PCDH17: variants seen among roughly 807,000 people sequenced by gnomAD.
PCDH17 encodes the protein protocadherin-17.
In PCDH17, 21 loss-of-function variants were observed where a neutral mutation model predicts 67.7. The ratio of observed to expected loss-of-function variants is 0.31; its 90% CI spans 0.22 to 0.45. The LOEUF is 0.45. Among genes scored for constraint, PCDH17 ranks in the 20% least tolerant of loss-of-function variants. The pLI is 1.00. For synonymous variants in PCDH17, 701 were observed against 656.7 expected (o/e 1.07, Z -1.03); for missense variants, 1,471 against 1,564.8 (o/e 0.94, Z 1.01).
intron 3 of PCDH17, among the ~76,000 whole-genome samples, chr13:57,715,839 A>G (rs558024807): frequency 6.6e-6 from 1 of 151,984 alleles, no homozygotes; most frequent in Non-Finnish European, 1.5e-5. Context: ...ATGAAATGTT[A>G]TGTTTGGTTA....
At chr13:57,697,069 G>A (rs1021103843) in intron 3 of PCDH17, among the ~76,000 whole-genome samples, 1 of 151,626 alleles carries the variant, frequency 6.6e-6, no homozygotes, top group African/African-American at 2.4e-5. Context: ...TTAAGGTAGG[G>A]AGTCCATCCT....
intron 3 of PCDH17, among the ~76,000 whole-genome samples, chr13:57,689,282 AG>A (rs1234046488): frequency 7.2e-5 from 11 of 152,032 alleles, no homozygotes. Flanking sequence ...TCCCTGGGGA[AG>A]AATTTTGAGC....
intron 3 of PCDH17, among the ~76,000 whole-genome samples, chr13:57,716,786 A>G (rs1245277834): frequency 6.6e-6 from 1 of 151,924 alleles, no homozygotes; most frequent in Non-Finnish European, 1.5e-5. Flanking sequence ...TTTATTTACC[A>G]CAGACCTGTA....
intron 1 of PCDH17, among the ~76,000 whole-genome samples, chr13:57,645,812 A>T (rs1161196976): frequency 2.0e-5 from 3 of 151,278 alleles, no homozygotes; most frequent in African/African-American, 7.3e-5. Flanking sequence ...TTTATATGGT[A>T]TTAGAGTGAT....
At chr13:57,719,921 T>G (rs1955858972) in intron 3 of PCDH17, among the ~76,000 whole-genome samples, 1 of 152,070 alleles carries the variant, frequency 6.6e-6, no homozygotes, top group African/African-American at 2.4e-5. Flanking sequence ...TAAATGATAA[T>G]TTTGGGCATC....
At chr13:57,631,599 C>T (rs1593883895), upstream of PCDH17, among the ~76,000 whole-genome samples, 1 of 152,198 alleles carries the variant, frequency 6.6e-6, no homozygotes, top group African/African-American at 2.4e-5. Context: ...TATCTCTCTA[C>T]TTCCCCCCTC....
intron 3 of PCDH17, 104 bp downstream of exon 3, chr13:57,666,937 T>C: frequency 1.2e-6 from 1 of 821,834 alleles, no homozygotes; most frequent in South Asian, 3.8e-5. Flanking sequence ...GGACCATTTA[T>C]AATATATCAA....
At position 57,643,934 on chromosome 13, in the gene PCDH17, C is replaced by T. The variant is rs1954934809; in HGVS notation, c.2565+8823C>T. On this transcript the variant is annotated intron_variant, in intron 1 of 3. Coordinates refer to ENST00000377918, the MANE Select transcript of PCDH17 (RefSeq NM_001040429.3). ...TAGATATGCATTGACTGTTATTTGG[C>T]ATGGTATGCATAGAATGCATTTATC... is the stretch of plus-strand genomic sequence containing the variant. Among the ~76,000 whole-genome samples the T allele has an allele frequency of 2.6e-5, 4 of 151,632 alleles. No homozygotes were observed. In the South Asian group the frequency reaches 8.3e-4, roughly 31 times the overall value.
chr13:57,655,875 A>AT (rs1566223500), intron 1 of PCDH17, among the ~76,000 whole-genome samples: 2 of 151,344 alleles, frequency 1.3e-5, no homozygotes, highest in African/African-American at 2.4e-5. Context: ...TTGTAAAAAA[A>AT]TTTTCAAGGA....
chr13:57,720,640 T>C (rs1379447918), intron 3 of PCDH17, among the ~76,000 whole-genome samples: 2 of 152,068 alleles, frequency 1.3e-5, no homozygotes, highest in African/African-American at 2.4e-5. Context: ...GCATAGGTTA[T>C]GAATTTAAGA....
chr13:57,671,984 C>A (rs1040902233), intron 3 of PCDH17, among the ~76,000 whole-genome samples: 4 of 151,924 alleles, frequency 2.6e-5, no homozygotes, highest in Non-Finnish European at 5.9e-5. Context: ...CTTGTAATTT[C>A]TAGTTTTCTA....
chr13:57,632,113 T>G lies in PCDH17; in HGVS notation c.-434T>G. 4.5e-6 allele frequency: 1 copy of G among 219,812 alleles called. No homozygotes were observed. The highest frequency in any genetic ancestry group is 2.4e-5 in the African/African-American group (1 of 42,366). 13.6% of individuals were successfully genotyped at this position (219,812 alleles called of 1,614,324 possible). A position where few individuals can be genotyped will look rare whatever the true frequency, so the allele number is the denominator to read the frequency against. Reference sequence around the variant, plus strand: ...TCCGGAGTCTCCGGGCGGGAGTAGATTTGCAGCACCCTAGCGGGAGCGAGG... The same window carrying G: ...TCCGGAGTCTCCGGGCGGGAGTAGAGTTGCAGCACCCTAGCGGGAGCGAGG... On this transcript the variant is annotated 5_prime_UTR_variant, in exon 1 of 4. Transcript: ENST00000377918.
intron 1 of PCDH17, among the ~76,000 whole-genome samples, chr13:57,656,770 C>A (rs1261982611): frequency 6.6e-6 from 1 of 152,090 alleles, no homozygotes; most frequent in Non-Finnish European, 1.5e-5. Context: ...AAAGGGAAGA[C>A]TAAGTTTTGA....
intron 1 of PCDH17, among the ~76,000 whole-genome samples, chr13:57,654,247 C>T (rs1253950639): frequency 6.6e-6 from 1 of 152,068 alleles, no homozygotes; most frequent in African/African-American, 2.4e-5. Context: ...GTCACAAATA[C>T]TGTACTCTGC....
rs1363557229 is a variant in PCDH17, at chr13:57,726,288, A to G, written c.*994A>G. On this transcript the variant is annotated 3_prime_UTR_variant, in exon 4 of 4. Coordinates refer to ENST00000377918, the MANE Select transcript of PCDH17 (RefSeq NM_001040429.3). ...TAAATGTGCAAATGTAAGAAGATTC[A>G]ATGTGTTTACATCAAATGACATATT... The G allele has an allele frequency of 6.6e-6, 1 of 152,650 alleles. No homozygotes were observed. Among genetic ancestry groups the G allele is most frequent in the African/African-American group, 2.4e-5 (1 of 41,466 alleles). The allele number at this position is 152,650 out of a possible 1,614,324, so 9.5% of individuals were successfully genotyped here.
chr13:57,632,829 C>T lies in PCDH17; in HGVS notation c.283C>T (p.Leu95=). ...YTKQRIDRES[L]CRHNAKCQLS... ...CAAGCAGCGCATCGACCGCGAGTCC[C>T]TGTGCCGCCACAATGCCAAGTGCCA... The change falls in exon 1 of 4, where the codon CTG becomes TTG. Residue 95 remains leucine (L), a synonymous_variant. Transcript: ENST00000377918. 1 of 1,613,810 alleles carries T rather than the reference C, an allele frequency of 6.2e-7. No individual in the cohort carries two copies. The highest frequency in any genetic ancestry group is 2.2e-5 in the East Asian group (1 of 44,846).
At chr13:57,660,847 G>C (rs956553016) in intron 1 of PCDH17, among the ~76,000 whole-genome samples, 1 of 152,140 alleles carries the variant, frequency 6.6e-6, no homozygotes, top group Non-Finnish European at 1.5e-5. Context: ...CATTCGGGTT[G>C]TTACAACAGT....
chr13:57,634,024 C>G lies in PCDH17; in HGVS notation c.1478C>G (p.Ser493Cys). Residue 493 changes from serine (S) to cysteine (C), a missense_variant, in exon 1 of 4, where the codon TCT becomes TGT. Coordinates refer to ENST00000377918, the MANE Select transcript of PCDH17 (RefSeq NM_001040429.3). The surrounding 1 kb of genome is among the most constrained non-coding windows in gnomAD (Gnocchi z 7.8). ...AACATCCCGGGAGAGTACCTGGGCT[C>G]TGTGCTCGCCCAGGATCCCGACCTG... ...ENNIPGEYLGSVLAQDPDLGQ... is the reference protein window; with the variant it reads ...ENNIPGEYLGCVLAQDPDLGQ... 1 of 1,613,464 alleles carries G rather than the reference C, an allele frequency of 6.2e-7. No homozygotes were observed. The highest frequency in any genetic ancestry group is 8.5e-7 in the Non-Finnish European group (1 of 1,180,030).
intron 1 of PCDH17, among the ~76,000 whole-genome samples, chr13:57,662,319 C>A (rs1381447785): frequency 6.6e-6 from 1 of 152,070 alleles, no homozygotes; most frequent in Non-Finnish European, 1.5e-5. Context: ...TGAGAATTTG[C>A]ATGGAATTAT....
Sources: allele counts gnomAD v4.1 joint callset (sites outside exome capture counted in the v4.1 genomes callset), GRCh38; gene constraint gnomAD v4.1.1; non-coding constraint Gnocchi (gnomAD v3.1); transcripts MANE v1.5; gene names NCBI Gene and HGNC (gene_info 2026-07-23, HGNC 2026-07-21).